Variants in LTBP1 observed in about 807,000 individuals in gnomAD.
LTBP1 encodes latent-transforming growth factor beta-binding protein 1.
A neutral mutation model predicts 207.6 loss-of-function variants in LTBP1; 129 were observed. That is an observed-to-expected ratio of 0.62 (90% confidence interval 0.54 to 0.72). The LOEUF (loss-of-function observed/expected upper bound fraction) is 0.72. LTBP1 is among the 30% of genes least tolerant of loss of function. LTBP1 has a pLI of 0.00. For missense variants in LTBP1, 2,281 were observed against 2,217.2 expected, an observed-to-expected ratio of 1.03 and a Z score of -0.58; for synonymous variants, 963 against 833.7, an observed-to-expected ratio of 1.16 and a Z score of -2.67.
chr2:33,377,004 A>G (rs980922218), intron 31 of LTBP1, among the ~76,000 whole-genome samples: 3 of 152,228 alleles, frequency 2.0e-5, no homozygotes, highest in Non-Finnish European at 4.4e-5. Flanking sequence ...AAAGAAAGCA[A>G]TGGGCAAGGA....
At chr2:33,011,477 G>A (rs544340960) in intron 2 of LTBP1, among the ~76,000 whole-genome samples, 1 of 152,240 alleles carries the variant, frequency 6.6e-6, no homozygotes, top group East Asian at 1.9e-4. Flanking sequence ...TGTGACTGAT[G>A]TTCTTATAAG....
At chr2:33,324,050 C>T (rs1016303211) in intron 24 of LTBP1, among the ~76,000 whole-genome samples, 2 of 151,914 alleles carry the variant, frequency 1.3e-5, no homozygotes, top group African/African-American at 2.4e-5. Context: ...AAGTATCCGC[C>T]GAGAATGGAG....
At chr2:33,144,586 T>C (rs1363299416) in intron 5 of LTBP1, among the ~76,000 whole-genome samples, 2 of 152,240 alleles carry the variant, frequency 1.3e-5, no homozygotes, top group Non-Finnish European at 2.9e-5. Context: ...TTATAACATT[T>C]GATCCTACTT....
intron 4 of LTBP1, among the ~76,000 whole-genome samples, chr2:33,132,241 T>C (rs546805409): frequency 3.6e-4 from 55 of 152,228 alleles, no homozygotes; most frequent in Non-Finnish European, 7.2e-4. Context: ...ACTTAGATTA[T>C]AAGCTGATTT....
chr2:33,039,034 T>G (rs933809889), intron 3 of LTBP1, among the ~76,000 whole-genome samples: 1 of 152,198 alleles, frequency 6.6e-6, no homozygotes, highest in Non-Finnish European at 1.5e-5. Flanking sequence ...AAATCTCATC[T>G]CCTGGTTCTT....
At chr2:33,068,478 G>A (rs529348245) in intron 3 of LTBP1, among the ~76,000 whole-genome samples, 1 of 152,138 alleles carries the variant, frequency 6.6e-6, no homozygotes, top group Non-Finnish European at 1.5e-5. Context: ...TTATATTGCT[G>A]ACTCTTGATG....
At chr2:33,136,427 AATTTAGTCCATCTCTAAGATC>A (rs1296337534) in intron 5 of LTBP1, among the ~76,000 whole-genome samples, 1 of 152,174 alleles carries the variant, frequency 6.6e-6, no homozygotes, top group Non-Finnish European at 1.5e-5. Context: ...TGACCTCTAA[AATTTAGTCCATCTCTAAGATC>A]ATATGACTTT....
chr2:33,282,534 A>G (rs1487562181), intron 19 of LTBP1, among the ~76,000 whole-genome samples: 3 of 152,176 alleles, frequency 2.0e-5, no homozygotes, highest in Non-Finnish European at 4.4e-5. Flanking sequence ...TTCTACTTAC[A>G]TTGAACCAAT....
chr2:33,247,410 C>T (rs573291543), intron 10 of LTBP1, among the ~76,000 whole-genome samples: 2 of 152,306 alleles, frequency 1.3e-5, no homozygotes, highest in East Asian at 3.9e-4. Context: ...ATTTGTGCCT[C>T]CAAATTTAGG....
chr2:33,011,271 T>C (rs932081477), intron 2 of LTBP1, among the ~76,000 whole-genome samples: 2 of 152,122 alleles, frequency 1.3e-5, no homozygotes, highest in African/African-American at 4.8e-5. Flanking sequence ...CCATGTATTT[T>C]TGAATTGACT....
At chr2:32,993,246 G>A (rs1383379633) in intron 2 of LTBP1, among the ~76,000 whole-genome samples, 1 of 151,976 alleles carries the variant, frequency 6.6e-6, no homozygotes, top group Non-Finnish European at 1.5e-5. Context: ...GTGGAAAGCA[G>A]CCAGCACCCA....
intron 5 of LTBP1, among the ~76,000 whole-genome samples, chr2:33,147,218 A>G (rs529075610): frequency 6.6e-6 from 1 of 152,284 alleles, no homozygotes; most frequent in East Asian, 1.9e-4. Context: ...TGTGCTTTGG[A>G]TATGTGTATT....
chr2:33,282,233 T>C (rs1003149353), intron 19 of LTBP1, among the ~76,000 whole-genome samples: 3 of 152,174 alleles, frequency 2.0e-5, no homozygotes, highest in African/African-American at 7.2e-5. Flanking sequence ...GTTTTGTTTT[T>C]GCGTTGCTGA....
chr2:32,954,605 C>T (rs899423093), intron 2 of LTBP1, among the ~76,000 whole-genome samples: 88 of 141,210 alleles, frequency 6.2e-4, no homozygotes, highest in Non-Finnish European at 2.3e-4. Context: ...GAACCTATCT[C>T]CAACAGTGGT....
intron 31 of LTBP1, among the ~76,000 whole-genome samples, chr2:33,380,456 G>A (rs901405157): frequency 1.8e-4 from 28 of 151,734 alleles, no homozygotes; most frequent in African/African-American, 6.8e-4. Context: ...TGGGCGTGAT[G>A]GCACACGCCT....
At chr2:33,234,959 A>G (rs1020670201) in intron 9 of LTBP1, among the ~76,000 whole-genome samples, 1 of 152,072 alleles carries the variant, frequency 6.6e-6, no homozygotes, top group Non-Finnish European at 1.5e-5. Context: ...AGAAGAAAAC[A>G]TAGGCAATAC....
chr2:33,275,968 G>C (rs2093418459), intron 18 of LTBP1, 45 bp downstream of exon 18: 2 of 1,518,096 alleles, frequency 1.3e-6, no homozygotes, highest in Non-Finnish European at 8.8e-7. Flanking sequence ...GTGATGTGCA[G>C]GGTTGGTAGG....
intron 10 of LTBP1, among the ~76,000 whole-genome samples, chr2:33,250,968 G>T (rs1195352243): frequency 1.3e-5 from 2 of 152,168 alleles, no homozygotes; most frequent in East Asian, 3.9e-4. Flanking sequence ...TACACCCACT[G>T]CCCAGGAGCC....
At chr2:33,262,952 A>C in intron 14 of LTBP1, 131 bp downstream of exon 14, 3 of 565,948 alleles carry the variant, frequency 5.3e-6, no homozygotes, top group Non-Finnish European at 9.4e-6. Flanking sequence ...AAGTATAGTA[A>C]TATACTTATA....
Sources: allele counts gnomAD v4.1 joint callset (sites outside exome capture counted in the v4.1 genomes callset), GRCh38; gene constraint gnomAD v4.1.1; transcripts MANE v1.5; gene names NCBI Gene and HGNC (gene_info 2026-07-23, HGNC 2026-07-21).